WDHD1: variants seen among roughly 807,000 people sequenced by gnomAD.
The protein encoded by WDHD1 is WD repeat and HMG-box DNA binding protein 1, also known as WD repeat and HMG-box DNA-binding protein 1.
Under a neutral mutation model 135.4 loss-of-function variants are expected in WDHD1, and 111 were observed. The ratio of observed to expected loss-of-function variants is 0.82; its 90% CI spans 0.70 to 0.96. The LOEUF is 0.96. Ranked by LOEUF, WDHD1 falls within the 40% of genes least tolerant of loss-of-function variation. WDHD1 has a pLI of 0.00. For synonymous variants in WDHD1, 434 were observed against 439.0 expected (o/e 0.99, Z 0.14); for missense variants, 1,351 against 1,336.3 (o/e 1.01, Z -0.17).
intron 10 of WDHD1, among the ~76,000 whole-genome samples, chr14:54,997,156 C>A (rs966365570): frequency 1.4e-5 from 2 of 138,186 alleles, no homozygotes; most frequent in African/African-American, 5.5e-5. Context: ...AGTGCAGTGG[C>A]GTGATCTTGG....
intron 22 of WDHD1, 98 bp from the exon 23 acceptor site, chr14:54,957,302 G>A (rs2041176656): frequency 2.3e-6 from 3 of 1,303,894 alleles, no homozygotes; most frequent in East Asian, 2.4e-5. Context: ...AGTTTGTATT[G>A]CCATCTCATC....
At chr14:54,968,049 T>C (rs996141152) in intron 16 of WDHD1, among the ~76,000 whole-genome samples, 1 of 152,226 alleles carries the variant, frequency 6.6e-6, no homozygotes, top group Non-Finnish European at 1.5e-5. Context: ...ATCCATGTTA[T>C]CACCAAGATA....
At chr14:54,954,642 G>T (rs1233029942) in intron 24 of WDHD1, among the ~76,000 whole-genome samples, 1 of 152,164 alleles carries the variant, frequency 6.6e-6, no homozygotes, top group Non-Finnish European at 1.5e-5. Flanking sequence ...GATACACAAA[G>T]ATTAAAGCTC....
At position 54,963,193 on chromosome 14, in the gene WDHD1, G is replaced by A. The variant is rs760292606; in HGVS notation, c.2311-21C>T. 2.2e-5 allele frequency: 16 copies of A among 720,870 alleles called. 2 individuals are homozygous for A. Among genetic ancestry groups the A allele is most frequent in the African/African-American group, 7.7e-5 (4 of 51,952 alleles). 44.7% of individuals were successfully genotyped at this position (720,870 alleles called of 1,614,324 possible). On this transcript the variant is annotated intron_variant, in intron 18 of 25. Transcript: ENST00000360586. ...GAAAGCTAATCCAAAAAGGGGGGGG[G>A]GGGGGAGATCAAATAACATCAAGTA...
chr14:54,944,427 T>C lies in WDHD1; in HGVS notation c.3094A>G (p.Asn1032Asp), dbSNP rs1172166785. 1.9e-6 allele frequency: 3 copies of C among 1,606,910 alleles called. No homozygotes were observed. Among genetic ancestry groups the C allele is most frequent in the Non-Finnish European group, 2.5e-6 (3 of 1,178,708 alleles). ...AAGTCAGGATTGTCAGACAAAATATTACTTCTATTTTCTTCTAACCACATC... is the reference window on the plus strand; with the variant it reads ...AAGTCAGGATTGTCAGACAAAATATCACTTCTATTTTCTTCTAACCACATC... ...FQMWLEENRS[N>D]ILSDNPDFSD... The change falls in exon 25 of 26, where the codon AAT (asparagine) becomes GAT (aspartate). Residue 1032 changes from asparagine to aspartate, a missense_variant. Asn to Asp is a conservative substitution (Grantham distance 23). Coordinates refer to ENST00000360586, the MANE Select transcript of WDHD1 (RefSeq NM_007086.4).
chr14:54,987,777 C>T (rs1398454339), intron 13 of WDHD1, among the ~76,000 whole-genome samples: 3 of 152,130 alleles, frequency 2.0e-5, no homozygotes, highest in Non-Finnish European at 2.9e-5. Flanking sequence ...CAGGTGGGTG[C>T]CACTGCACCT....
intron 15 of WDHD1, among the ~76,000 whole-genome samples, chr14:54,982,377 A>G (rs1056809392): frequency 1.3e-5 from 2 of 152,206 alleles, no homozygotes; most frequent in African/African-American, 2.4e-5. Flanking sequence ...CTTGAGAAAC[A>G]TTTAGAAAAA....
At chr14:54,998,433 AT>A (rs1353324982) in intron 10 of WDHD1, among the ~76,000 whole-genome samples, 2 of 151,814 alleles carry the variant, frequency 1.3e-5, no homozygotes, top group South Asian at 2.1e-4. Flanking sequence ...CCCAGCCAAA[AT>A]TTTTTTTCTT....
chr14:55,023,906 A>C (rs1044197880), intron 2 of WDHD1, among the ~76,000 whole-genome samples: 5 of 152,210 alleles, frequency 3.3e-5, no homozygotes, highest in African/African-American at 1.2e-4. Context: ...GAAATGTTTG[A>C]GTGTGTAAAT....
At chr14:55,001,502 A>G (rs1369559711) in intron 8 of WDHD1, among the ~76,000 whole-genome samples, 3 of 152,166 alleles carry the variant, frequency 2.0e-5, no homozygotes, top group Non-Finnish European at 4.4e-5. Flanking sequence ...GCCTCAAGCA[A>G]TCCTCCTGCC....
intron 2 of WDHD1, 27 bp downstream of exon 2, chr14:55,026,684 A>C (rs2042449371): frequency 1.9e-6 from 3 of 1,611,348 alleles, no homozygotes; most frequent in Non-Finnish European, 2.5e-6. Flanking sequence ...ATTTGCACCT[A>C]AAACGTTGTT....
chr14:55,002,077 A>T lies in WDHD1; in HGVS notation c.693+16T>A. On this transcript the variant is annotated intron_variant, in intron 8 of 25. Coordinates refer to ENST00000360586, the MANE Select transcript of WDHD1 (RefSeq NM_007086.4). ...CTCCTTATAGCCCACTGAAAGTGTC[A>T]CTTTGTAAAACCTACCTGAGAGATG... 6.3e-7 allele frequency: 1 copy of T among 1,576,138 alleles called. No individual in the cohort carries two copies.
rs773555951 is a variant in WDHD1, at chr14:54,962,775, T to TTC, written c.2608_2609dup (p.Ala871LysfsTer42). On this transcript the variant is annotated frameshift_variant, in exon 20 of 26. Coordinates refer to ENST00000360586, the MANE Select transcript of WDHD1 (RefSeq NM_007086.4). LOFTEE classifies it high-confidence loss of function. ...TTTCTGGTTTTTCTTCATCATCAGC[T>TTC]TCTCCACTGTCCTCAGCATCTTCTT... The TTC allele has an allele frequency of 2.4e-5, 39 of 1,613,786 alleles. No individual in the cohort carries two copies. The Admixed American group carries it at 3.8e-4, about 16-fold the overall frequency.
chr14:55,000,661 A>G lies in WDHD1; in HGVS notation c.801-17T>C. 3.3e-6 allele frequency: 5 copies of G among 1,519,068 alleles called. No individual in the cohort carries two copies. The highest frequency in any genetic ancestry group is 4.4e-6 in the Non-Finnish European group (5 of 1,133,976). The allele number at this position is 1,519,068 out of a possible 1,614,324, so 94.1% of individuals were successfully genotyped here. The stretch of plus-strand genomic sequence containing the variant: ...TGTTTCACCCTAAAAATTAAAAAGT[A>G]GGTTCTAAAAATACTGTCAAGAAAA... On this transcript the variant is annotated splice_polypyrimidine_tract_variant and intron_variant, in intron 9 of 25. Coordinates refer to ENST00000360586, the MANE Select transcript of WDHD1 (RefSeq NM_007086.4).
chr14:54,994,856 C>T (rs2041851268), intron 11 of WDHD1, among the ~76,000 whole-genome samples: 1 of 152,108 alleles, frequency 6.6e-6, no homozygotes, highest in East Asian at 1.9e-4. Context: ...CTAGTGGCTA[C>T]TATATATTGG....
Position 54,944,413 on chromosome 14 carries a change from G to T in WDHD1, c.3108C>A (p.Asp1036Glu), listed in dbSNP as rs755827163. 6.2e-7 allele frequency: 1 copy of T among 1,607,824 alleles called. No homozygotes were observed. The highest frequency in any genetic ancestry group is 2.2e-5 in the East Asian group (1 of 44,504). ...CTGCTTCATCTGAAAAGTCAGGATTGTCAGACAAAATATTACTTCTATTTT... is the reference window on the plus strand; with the variant it reads ...CTGCTTCATCTGAAAAGTCAGGATTTTCAGACAAAATATTACTTCTATTTT... ...LEENRSNILS[D>E]NPDFSDEADI... Residue 1036 changes from aspartate (D) to glutamate (E), a missense_variant, in exon 25 of 26, where the codon GAC becomes GAA. By Grantham distance (45) the Asp-to-Glu change is conservative. Around this residue, in one of 2 missense-constraint regions of WDHD1, gnomAD observed 1,330 missense variants for 1,296.1 expected, o/e 1.03. Transcript: ENST00000360586.
intron 24 of WDHD1, among the ~76,000 whole-genome samples, chr14:54,951,800 G>C (rs2041059266): frequency 6.6e-6 from 1 of 151,438 alleles, no homozygotes; most frequent in East Asian, 1.9e-4. Context: ...AACTTATCAA[G>C]TGGGCTTCAT....
At chr14:55,005,265 C>T (rs2840268) in intron 7 of WDHD1, 6 of 537,340 alleles carry the variant, frequency 1.1e-5, no homozygotes, top group Admixed American at 5.9e-5. Flanking sequence ...ATGGTAGGTA[C>T]GTTAACATAA....
intron 16 of WDHD1, among the ~76,000 whole-genome samples, chr14:54,979,702 C>T (rs1344551789): frequency 6.6e-6 from 1 of 152,178 alleles, no homozygotes; most frequent in Non-Finnish European, 1.5e-5. Context: ...TTCAAAGTTA[C>T]ATGCTCAATT....
Sources: allele counts gnomAD v4.1 joint callset (sites outside exome capture counted in the v4.1 genomes callset), GRCh38; gene constraint gnomAD v4.1.1; regional missense constraint gnomAD v4.1.1; transcripts MANE v1.5; gene names NCBI Gene and HGNC (gene_info 2026-07-23, HGNC 2026-07-21).